The following PTPRD variants were observed in gnomAD, a reference collection of about 807,000 sequenced individuals.
The protein encoded by PTPRD is receptor-type tyrosine-protein phosphatase delta.
Under a neutral mutation model 214.5 loss-of-function variants are expected in PTPRD, and 34 were observed. The ratio of observed to expected loss-of-function variants is 0.16; its 90% CI spans 0.12 to 0.21. PTPRD has a LOEUF of 0.21. Among genes scored for constraint, PTPRD ranks in the 10% least tolerant of loss-of-function variants. PTPRD has a pLI of 1.00. For missense variants in PTPRD, 2,545 were observed against 2,398.7 expected, an observed-to-expected ratio of 1.06 and a Z score of -1.27; for synonymous variants, 1,128 against 845.7, an observed-to-expected ratio of 1.33 and a Z score of -5.79.
chr9:8,667,937 T>C (rs911846178), intron 12 of PTPRD, among the ~76,000 whole-genome samples: 1 of 151,968 alleles, frequency 6.6e-6, no homozygotes, highest in African/African-American at 2.4e-5. Context: ...GCTTGAGAAG[T>C]TGCCCAGTAA....
intron 12 of PTPRD, among the ~76,000 whole-genome samples, chr9:8,726,352 G>A (rs796415785): frequency 2.4e-4 from 36 of 151,602 alleles, no homozygotes; most frequent in African/African-American, 8.5e-4. Flanking sequence ...ACTTTGGGAA[G>A]CCAAGGCTGG....
chr9:8,486,041 G>A lies in PTPRD; in HGVS notation c.2776C>T (p.His926Tyr), dbSNP rs2135941975. 5 of 1,614,192 alleles carry A rather than the reference G, an allele frequency of 3.1e-6. No individual in the cohort carries two copies. Among genetic ancestry groups the A allele is most frequent in the Non-Finnish European group, 4.2e-6 (5 of 1,180,020 alleles). The change falls in exon 28 of 46, where the codon CAC becomes TAC. Residue 926 changes from histidine to tyrosine, a missense_variant. By Grantham distance (83) the His-to-Tyr change is moderately conservative (BLOSUM62 2). Coordinates refer to ENST00000381196, the MANE Select transcript of PTPRD (RefSeq NM_002839.4). The stretch of plus-strand genomic sequence containing the variant: ...GAGGTTGAAGTGGTGCCTTCTGAGT[G>A]AAGGTTTTGAGGGAATCCAGTTGGT... The part of the protein sequence containing the change: ...EVPTGFPQNL[H>Y]SEGTTSTSVQ...
chr9:10,496,932 T>C (rs1056480349), intron 2 of PTPRD, among the ~76,000 whole-genome samples: 2 of 152,032 alleles, frequency 1.3e-5, no homozygotes, highest in Admixed American at 1.3e-4. Flanking sequence ...TGATAGTTTA[T>C]TTTTCTGTGC....
intron 9 of PTPRD, among the ~76,000 whole-genome samples, chr9:9,187,951 T>C (rs1315911049): frequency 3.3e-5 from 5 of 151,958 alleles, no homozygotes. Flanking sequence ...AATGCACTTA[T>C]AGAAAAGTAC....
At chr9:8,612,982 G>A (rs1231232789) in intron 14 of PTPRD, among the ~76,000 whole-genome samples, 2 of 152,016 alleles carry the variant, frequency 1.3e-5, no homozygotes, top group African/African-American at 4.8e-5. Context: ...CTTACAAAAA[G>A]GAAAGGATTA....
At chr9:10,285,801 C>T (rs1374188796) in intron 3 of PTPRD, among the ~76,000 whole-genome samples, 1 of 151,422 alleles carries the variant, frequency 6.6e-6, no homozygotes. Context: ...TAGTAGAGAC[C>T]GGTTTCACCG....
At chr9:9,384,304 G>A (rs2063182008) in intron 9 of PTPRD, among the ~76,000 whole-genome samples, 1 of 117,506 alleles carries the variant, frequency 8.5e-6, no homozygotes, top group Non-Finnish European at 1.7e-5. Flanking sequence ...AGGTATAAAA[G>A]GTTTTATGTT....
rs2138857810 is a variant in PTPRD at position 8,521,312 on chromosome 9, C to G, written c.926G>C (p.Gly309Ala). 6.2e-7 allele frequency: 1 copy of G among 1,613,792 alleles called. No homozygotes were observed. Among genetic ancestry groups the G allele is most frequent in the Non-Finnish European group, 8.5e-7 (1 of 1,179,832 alleles). Residue 309 changes from glycine (G) to alanine (A), a missense_variant, in exon 20 of 46, where the codon GGT (glycine) becomes GCT (alanine). Coordinates refer to ENST00000381196, the MANE Select transcript of PTPRD (RefSeq NM_002839.4). Reference sequence around the variant, plus strand: ...GATCTGTGCTATTGCTTCAATGACACCCAGTGTTGACATAGCAACACAGGT... The same window carrying G: ...GATCTGTGCTATTGCTTCAATGACAGCCAGTGTTGACATAGCAACACAGGT... ...NYTCVAMSTL[G>A]VIEAIAQITV...
chr9:8,612,962 G>C (rs1320652983), intron 14 of PTPRD, among the ~76,000 whole-genome samples: 1 of 151,998 alleles, frequency 6.6e-6, no homozygotes, highest in East Asian at 1.9e-4. Context: ...AGACTGATTA[G>C]GTATTAAAAC....
intron 12 of PTPRD, among the ~76,000 whole-genome samples, chr9:8,681,659 A>G (rs2154372929): frequency 6.6e-6 from 1 of 152,328 alleles, no homozygotes; most frequent in Admixed American, 6.5e-5. Flanking sequence ...CCAGCCCTGA[A>G]CGATGTGCAT....
intron 10 of PTPRD, among the ~76,000 whole-genome samples, chr9:9,160,989 C>A (rs984766798): frequency 2.0e-5 from 3 of 152,030 alleles, no homozygotes; most frequent in Admixed American, 6.6e-5. Context: ...CAAATTTGAT[C>A]TCATAGAAGT....
chr9:9,883,750 T>C (rs1426586570), intron 5 of PTPRD, among the ~76,000 whole-genome samples: 1 of 152,154 alleles, frequency 6.6e-6, no homozygotes, highest in Admixed American at 6.6e-5. Flanking sequence ...ATTTATCATT[T>C]AGCCGTATAC....
intron 5 of PTPRD, among the ~76,000 whole-genome samples, chr9:9,880,078 G>A (rs746477869): frequency 2.0e-5 from 3 of 152,150 alleles, no homozygotes; most frequent in East Asian, 1.9e-4. Flanking sequence ...GTCCAGGGAG[G>A]GAGGTGATTG....
At chr9:9,581,041 G>A (rs553856599) in intron 7 of PTPRD, among the ~76,000 whole-genome samples, 8 of 152,150 alleles carry the variant, frequency 5.3e-5, no homozygotes, top group African/African-American at 1.9e-4. Flanking sequence ...TAGGGGGCTT[G>A]CATTTTAGTC....
intron 2 of PTPRD, among the ~76,000 whole-genome samples, chr9:10,491,745 G>A (rs2040332375): frequency 1.3e-5 from 2 of 151,830 alleles, no homozygotes; most frequent in African/African-American, 4.8e-5. Context: ...TTAAGTTCCG[G>A]GATATATGTG....
chr9:9,040,737 T>G (rs1473146416), intron 10 of PTPRD, among the ~76,000 whole-genome samples: 1 of 152,182 alleles, frequency 6.6e-6, no homozygotes, highest in Non-Finnish European at 1.5e-5. Flanking sequence ...CTGTTTAAAA[T>G]AAAATGCTGA....
intron 11 of PTPRD, among the ~76,000 whole-genome samples, chr9:8,803,890 C>T (rs1170703502): frequency 6.6e-6 from 1 of 152,026 alleles, no homozygotes; most frequent in Non-Finnish European, 1.5e-5. Flanking sequence ...AAAACTTACA[C>T]TAAAAGTGTT....
intron 3 of PTPRD, among the ~76,000 whole-genome samples, chr9:10,238,446 C>T (rs535413663): frequency 6.6e-6 from 1 of 151,908 alleles, no homozygotes; most frequent in African/African-American, 2.4e-5. Flanking sequence ...AAACTTCCAA[C>T]CTTCTCCTTG....
intron 12 of PTPRD, among the ~76,000 whole-genome samples, chr9:8,687,442 A>C (rs921061931): frequency 7.9e-5 from 12 of 152,340 alleles, no homozygotes; most frequent in African/African-American, 2.4e-4. Context: ...GGACAACACA[A>C]ACCGTATGTT....
Sources: allele counts gnomAD v4.1 joint callset (sites outside exome capture counted in the v4.1 genomes callset), GRCh38; gene constraint gnomAD v4.1.1; transcripts MANE v1.5; gene names NCBI Gene and HGNC (gene_info 2026-07-23, HGNC 2026-07-21).